ADAMTS17: variants seen among roughly 807,000 people sequenced by gnomAD.
The protein encoded by ADAMTS17 is ADAM metallopeptidase with thrombospondin type 1 motif 17, also known as A disintegrin and metalloproteinase with thrombospondin motifs 17.
Under a neutral mutation model 141.5 loss-of-function variants are expected in ADAMTS17, and 113 were observed. The observed-to-expected ratio is 0.80, with a 90% CI of 0.69 to 0.93. The LOEUF (loss-of-function observed/expected upper bound fraction) is 0.93, where lower values mean the gene tolerates loss of function less well. Among genes scored for constraint, ADAMTS17 ranks in the 40% least tolerant of loss-of-function variants. The pLI, the probability that ADAMTS17 is intolerant of heterozygous loss-of-function variation, is 0.00. For missense variants in ADAMTS17, 1,659 were observed against 1,517.9 expected (o/e 1.09, Z -1.54); for synonymous variants, 768 against 630.6 (o/e 1.22, Z -3.27).
At chr15:100,249,619 C>G (rs1303369444) in intron 7 of ADAMTS17, among the ~76,000 whole-genome samples, 1 of 152,200 alleles carries the variant, frequency 6.6e-6, no homozygotes, top group East Asian at 1.9e-4. Context: ...AGAGCTCCCC[C>G]AGGTGCTGCC....
In ADAMTS17 at chr15:100,057,720, T is replaced by G. The variant is rs189644713; in HGVS notation, c.2138-3666A>C. Among the ~76,000 whole-genome samples the G allele has an allele frequency of 1.6e-4, 25 of 152,276 alleles. No homozygotes were observed. In the South Asian group the frequency reaches 2.1e-3, roughly 13 times the overall value. On this transcript the variant is annotated intron_variant, in intron 15 of 21. Transcript: ENST00000268070. ...ACCCAACCCCAAACAGGGGGACTTT[T>G]GTTCACCTTAGGAAAAGGCAGCTTT...
At chr15:100,258,197 A>C (rs187683343) in intron 6 of ADAMTS17, among the ~76,000 whole-genome samples, 1 of 152,228 alleles carries the variant, frequency 6.6e-6, no homozygotes, top group Non-Finnish European at 1.5e-5. Context: ...CAAATATCAG[A>C]GTCTCTGCTT....
At chr15:100,019,181 C>T (rs2061351633) in intron 18 of ADAMTS17, among the ~76,000 whole-genome samples, 6 of 152,136 alleles carry the variant, frequency 3.9e-5, no homozygotes, top group African/African-American at 1.4e-4. Context: ...TGTACATACC[C>T]TAAGAGACTA....
At chr15:100,323,071 C>T (rs1029182560) in intron 3 of ADAMTS17, among the ~76,000 whole-genome samples, 7 of 111,286 alleles carry the variant, frequency 6.3e-5, no homozygotes, top group South Asian at 6.1e-4. Context: ...CGGGAGACAG[C>T]GAGACTCCGT....
At chr15:99,977,585 T>C (rs1323995268) in intron 20 of ADAMTS17, among the ~76,000 whole-genome samples, 1 of 150,580 alleles carries the variant, frequency 6.6e-6, no homozygotes, top group East Asian at 2.0e-4. Context: ...GGCTAATTTT[T>C]TTGTATTTTT....
At chr15:100,298,966 C>G (rs1331628458) in intron 3 of ADAMTS17, among the ~76,000 whole-genome samples, 2 of 152,196 alleles carry the variant, frequency 1.3e-5, no homozygotes, top group Non-Finnish European at 2.9e-5. Flanking sequence ...CCAGGCCTCT[C>G]TCCTTTGCTT....
At chr15:100,236,257 C>T (rs1454012059) in intron 7 of ADAMTS17, among the ~76,000 whole-genome samples, 1 of 147,020 alleles carries the variant, frequency 6.8e-6, no homozygotes, top group African/African-American at 2.5e-5. Context: ...GAGAGAGGTG[C>T]CCTATATTCA....
intron 18 of ADAMTS17, among the ~76,000 whole-genome samples, chr15:100,045,711 T>C (rs927115010): frequency 2.6e-5 from 4 of 152,200 alleles, no homozygotes; most frequent in South Asian, 2.1e-4. Context: ...TCTCCTCTGA[T>C]GGCTTAACCA....
chr15:100,023,572 CCACT>C (rs556207371), intron 18 of ADAMTS17, among the ~76,000 whole-genome samples: 245 of 152,180 alleles, frequency 1.6e-3, no homozygotes, highest in African/African-American at 5.5e-3. Context: ...GTATTTGGGG[CCACT>C]CAGAGTCCAG....
rs753869366 is a variant in ADAMTS17 at position 100,328,750 on chromosome 15, A to T, written c.616+2139T>A. Among the ~76,000 whole-genome samples the T allele has an allele frequency of 9.2e-5, 14 of 152,208 alleles. No individual in the cohort carries two copies. In the South Asian group the frequency reaches 2.9e-3, roughly 31 times the overall value. On this transcript the variant is annotated intron_variant, in intron 3 of 21. Transcript: ENST00000268070. The stretch of plus-strand genomic sequence containing the variant: ...ATTTATCATGTCAGTGATCCTCAGT[A>T]TCACACCACTAAAGGGGATGGAAGG...
chr15:100,039,968 GTTTT>G (rs570773736), intron 18 of ADAMTS17, among the ~76,000 whole-genome samples: 1 of 152,026 alleles, frequency 6.6e-6, no homozygotes, highest in Non-Finnish European at 1.5e-5. Context: ...TATTCTAGTA[GTTTT>G]TTTAAAAAAA....
At chr15:100,153,856 T>A (rs1339079255) in intron 9 of ADAMTS17, among the ~76,000 whole-genome samples, 1 of 152,144 alleles carries the variant, frequency 6.6e-6, no homozygotes, top group Non-Finnish European at 1.5e-5. Context: ...ACACTACTTG[T>A]CACCAGTGCT....
intron 3 of ADAMTS17, among the ~76,000 whole-genome samples, chr15:100,314,294 C>T (rs1181516764): frequency 6.6e-6 from 1 of 152,162 alleles, no homozygotes; most frequent in Non-Finnish European, 1.5e-5. Context: ...ATTACTGTGA[C>T]AACTGGAAAA....
chr15:100,131,856 G>A (rs138914761), intron 12 of ADAMTS17, 151 bp downstream of exon 12: 9 of 1,149,932 alleles, frequency 7.8e-6, no homozygotes, highest in African/African-American at 1.5e-5. Flanking sequence ...CACACACGAG[G>A]TCCCTGCACC....
At chr15:100,090,133 ATC>A (rs1465110581) in intron 15 of ADAMTS17, among the ~76,000 whole-genome samples, 4 of 152,162 alleles carry the variant, frequency 2.6e-5, no homozygotes, top group South Asian at 2.1e-4. Flanking sequence ...TCTACAGCAA[ATC>A]TCTCTTAGAG....
chr15:100,091,011 A>AAC (rs1567157827), intron 15 of ADAMTS17, among the ~76,000 whole-genome samples: 3 of 119,508 alleles, frequency 2.5e-5, no homozygotes, highest in South Asian at 2.5e-4. Flanking sequence ...CCGTCTCAAC[A>AAC]AAAAAAAAAA....
In ADAMTS17 at chr15:100,341,092, C is replaced by T. The variant is rs941502427; in HGVS notation, c.397G>A (p.Gly133Ser). 3 of 1,517,488 alleles carry T rather than the reference C, an allele frequency of 2.0e-6. No individual in the cohort carries two copies. The African/African-American group carries it at 4.2e-5, about 21-fold the overall frequency. The allele number at this position is 1,517,488 out of a possible 1,614,324, so 94.0% of individuals were successfully genotyped here. Reference sequence around the variant, plus strand: ...AGCGAGACGAGGGAGCCGGGGTGGCCGAGCACACGGCCCGAGTAGAAGCAC... The same window carrying T: ...AGCGAGACGAGGGAGCCGGGGTGGCTGAGCACACGGCCCGAGTAGAAGCAC... ...ELCFYSGRVL[G>S]HPGSLVSLSA... The change falls in exon 2 of 22, where the codon GGC (glycine) becomes AGC (serine). Residue 133 changes from glycine to serine, a missense_variant. By Grantham distance (56) the Gly-to-Ser change is moderately conservative. Coordinates refer to ENST00000268070, the MANE Select transcript of ADAMTS17 (RefSeq NM_139057.4).
At chr15:100,257,236 C>T (rs4246313) in intron 6 of ADAMTS17, among the ~76,000 whole-genome samples, 96,433 of 151,624 alleles carry the variant, frequency 0.64, 31,379 homozygotes, top group East Asian at 0.83. Flanking sequence ...GAAGCTGCCT[C>T]TCACCCAATC....
intron 7 of ADAMTS17, among the ~76,000 whole-genome samples, chr15:100,246,734 T>A (rs563525413): frequency 6.6e-6 from 1 of 152,300 alleles, no homozygotes; most frequent in Non-Finnish European, 1.5e-5. Context: ...TTGTATTTTA[T>A]CCATTCCATA....
Sources: allele counts gnomAD v4.1 joint callset (sites outside exome capture counted in the v4.1 genomes callset), GRCh38; gene constraint gnomAD v4.1.1; transcripts MANE v1.5; gene names NCBI Gene and HGNC (gene_info 2026-07-23, HGNC 2026-07-21).